The following ERBB4 variants were observed in gnomAD, a reference collection of about 807,000 sequenced individuals.
The protein encoded by ERBB4 is erb-b2 receptor tyrosine kinase 4, also known as receptor tyrosine-protein kinase erbB-4.
A neutral mutation model predicts 158.0 loss-of-function variants in ERBB4; 42 were observed. The observed-to-expected ratio is 0.27, with a 90% confidence interval of 0.21 to 0.34. ERBB4 has a LOEUF of 0.34. Among genes scored for constraint, ERBB4 ranks in the 10% least tolerant of loss-of-function variants. ERBB4 has a pLI of 1.00. For synonymous variants in ERBB4, 583 were observed against 558.7 expected (o/e 1.04, Z -0.61); for missense variants, 1,333 against 1,624.1 (o/e 0.82, Z 3.08).
chr2:212,458,432 T>C (rs1688410897), intron 1 of ERBB4, among the ~76,000 whole-genome samples: 4 of 152,040 alleles, frequency 2.6e-5, no homozygotes, highest in Admixed American at 2.6e-4. Context: ...AAGTGTATCA[T>C]TTGTTAAAGA....
chr2:211,996,620 A>T (rs2082206328), intron 2 of ERBB4, among the ~76,000 whole-genome samples: 1 of 152,178 alleles, frequency 6.6e-6, no homozygotes, highest in Admixed American at 6.5e-5. Flanking sequence ...TTTAGATTGT[A>T]AGTTTTAAAA....
chr2:212,045,021 T>C (rs570059404), intron 2 of ERBB4, among the ~76,000 whole-genome samples: 3 of 152,234 alleles, frequency 2.0e-5, no homozygotes, highest in South Asian at 2.1e-4. Flanking sequence ...ATCAAAAGCT[T>C]AAAAAAGCTT....
chr2:212,372,605 T>C (rs1231880162), intron 1 of ERBB4, among the ~76,000 whole-genome samples: 1 of 151,822 alleles, frequency 6.6e-6, no homozygotes, highest in Non-Finnish European at 1.5e-5. Flanking sequence ...AAAAATTAGC[T>C]GGGTGTGGTG....
chr2:211,593,441 C>G (rs1051931524), intron 19 of ERBB4, among the ~76,000 whole-genome samples: 1 of 152,174 alleles, frequency 6.6e-6, no homozygotes, highest in African/African-American at 2.4e-5. Flanking sequence ...ATTCACTGTG[C>G]CCTAACCCTA....
intron 1 of ERBB4, among the ~76,000 whole-genome samples, chr2:212,523,095 G>T (rs186747134): frequency 1.7e-4 from 25 of 150,734 alleles, no homozygotes; most frequent in Non-Finnish European, 3.3e-4. Flanking sequence ...AGATCCAAAA[G>T]TGGTAGTAAA....
chr2:212,003,129 G>GAAGGAAGGAAGGAAGT, intron 2 of ERBB4, among the ~76,000 whole-genome samples: 1 of 16,590 alleles, frequency 6.0e-5, no homozygotes, highest in East Asian at 2.2e-3. Flanking sequence ...AGGAAGGAAG[G>GAAGGAAGGAAGGAAGT]AAGGAAGGAA....
Position 211,702,178 on chromosome 2 carries a change from G to GAA in ERBB4, c.1290-14_1290-13dup, listed in dbSNP as rs750605819. The GAA allele has an allele frequency of 6.2e-7, 1 of 1,610,888 alleles. No homozygotes were observed. Among genetic ancestry groups the GAA allele is most frequent in the African/African-American group, 1.3e-5 (1 of 74,954 alleles). The stretch of plus-strand genomic sequence containing the variant: ...GCAAGGACAGGCCACTAAGGAGGGG[G>GAA]AAGTGAGAAAACGGAACCATGAAAC... On this transcript the variant is annotated splice_polypyrimidine_tract_variant and intron_variant, in intron 11 of 27. Coordinates refer to ENST00000342788, the MANE Select transcript of ERBB4 (RefSeq NM_005235.3).
intron 1 of ERBB4, among the ~76,000 whole-genome samples, chr2:212,221,615 G>A (rs2105954920): frequency 6.6e-6 from 1 of 151,622 alleles, no homozygotes; most frequent in Non-Finnish European, 1.5e-5. Context: ...TTGCCATGAA[G>A]ATTTGCTGAG....
chr2:212,247,602 G>A (rs925334134), intron 1 of ERBB4, among the ~76,000 whole-genome samples: 1 of 152,212 alleles, frequency 6.6e-6, no homozygotes, highest in Non-Finnish European at 1.5e-5. Context: ...TGCTTGTCTA[G>A]AAAGCAATTA....
intron 20 of ERBB4, among the ~76,000 whole-genome samples, chr2:211,502,529 G>A (rs1328540124): frequency 6.6e-6 from 1 of 152,068 alleles, no homozygotes; most frequent in African/African-American, 2.4e-5. Flanking sequence ...ATTGAACGAA[G>A]CAAGGCCTCC....
intron 2 of ERBB4, among the ~76,000 whole-genome samples, chr2:212,012,239 G>C (rs1055521725): frequency 2.0e-5 from 3 of 152,154 alleles, no homozygotes; most frequent in South Asian, 4.1e-4. Flanking sequence ...GATATTTTAG[G>C]CTCATCCTGT....
intron 1 of ERBB4, among the ~76,000 whole-genome samples, chr2:212,449,627 G>A (rs1331493839): frequency 6.6e-6 from 1 of 151,668 alleles, no homozygotes; most frequent in Non-Finnish European, 1.5e-5. Context: ...GTCATTATTT[G>A]TATTTACCTA....
chr2:212,327,946 A>C (rs2087937895), intron 1 of ERBB4, among the ~76,000 whole-genome samples: 1 of 151,606 alleles, frequency 6.6e-6, no homozygotes, highest in African/African-American at 2.4e-5. Context: ...GATTGGGCCT[A>C]ATGATTTAGT....
chr2:212,457,339 G>A (rs1688345932), intron 1 of ERBB4, among the ~76,000 whole-genome samples: 1 of 149,920 alleles, frequency 6.7e-6, no homozygotes, highest in African/African-American at 2.5e-5. Flanking sequence ...AATGTTTGCT[G>A]GTTTAATTTT....
At chr2:211,568,486 T>G (rs1243740607) in intron 19 of ERBB4, among the ~76,000 whole-genome samples, 1 of 152,168 alleles carries the variant, frequency 6.6e-6, no homozygotes, top group Non-Finnish European at 1.5e-5. Flanking sequence ...TAGTTTTTCA[T>G]ATTATTTAGC....
At chr2:211,560,744 C>T (rs977767769) in intron 20 of ERBB4, among the ~76,000 whole-genome samples, 6 of 151,288 alleles carry the variant, frequency 4.0e-5, no homozygotes, top group African/African-American at 1.5e-4. Flanking sequence ...TATTACATAA[C>T]AGTTACAAAA....
chr2:212,418,123 A>T (rs552241222), intron 1 of ERBB4, among the ~76,000 whole-genome samples: 2 of 152,010 alleles, frequency 1.3e-5, no homozygotes, highest in African/African-American at 4.8e-5. Context: ...ACTGTGAGAA[A>T]TAACTGTATT....
At chr2:211,964,801 T>C (rs1244576247) in intron 2 of ERBB4, among the ~76,000 whole-genome samples, 1 of 152,196 alleles carries the variant, frequency 6.6e-6, no homozygotes, top group Non-Finnish European at 1.5e-5. Context: ...ATTTTTCTAC[T>C]ACTCAAATAA....
At chr2:212,124,609 G>C in intron 2 of ERBB4, 143 bp downstream of exon 2, 3 of 869,212 alleles carry the variant, frequency 3.5e-6, no homozygotes. Context: ...GGTGCGTTTC[G>C]CTATCTCTTA....
Sources: gnomAD v4.1 joint callset for allele counts (sites outside exome capture counted in the v4.1 genomes callset) on GRCh38, gnomAD v4.1.1 for gene constraint, MANE v1.5 for transcripts, NCBI Gene and HGNC (gene_info 2026-07-23, HGNC 2026-07-21) for gene names.